The following CCDC158 variants were observed in gnomAD, a reference collection of about 807,000 sequenced individuals.
CCDC158 encodes the protein coiled-coil domain-containing protein 158.
CCDC158 carries 116 observed loss-of-function variants against 138.6 expected under a neutral mutation model. That is an observed-to-expected ratio of 0.84 (90% CI 0.72 to 0.98). The LOEUF (loss-of-function observed/expected upper bound fraction) is 0.98. Ranked by LOEUF, CCDC158 falls within the 50% of genes least tolerant of loss-of-function variation. The pLI is 0.00. For missense variants in CCDC158, 1,265 were observed against 1,306.1 expected, an observed-to-expected ratio of 0.97 and a Z score of 0.48; for synonymous variants, 436 against 442.4, an observed-to-expected ratio of 0.99 and a Z score of 0.18.
chr4:76,379,816 C>A (rs1283005227), intron 8 of CCDC158, among the ~76,000 whole-genome samples: 1 of 151,720 alleles, frequency 6.6e-6, no homozygotes, highest in African/African-American at 2.4e-5. Flanking sequence ...AATCTCATGT[C>A]AAATTGTAAT....
At chr4:76,340,834 C>T (rs911597163) in intron 18 of CCDC158, among the ~76,000 whole-genome samples, 2 of 152,080 alleles carry the variant, frequency 1.3e-5, no homozygotes, top group African/African-American at 4.8e-5. Flanking sequence ...CAAAATCACC[C>T]CCCGCCTCAA....
intron 13 of CCDC158, 97 bp from the exon 14 acceptor site, chr4:76,357,623 G>T (rs1201879265): frequency 3.8e-6 from 3 of 785,686 alleles, no homozygotes; most frequent in Non-Finnish European, 5.5e-6. Context: ...CAGAATTTTA[G>T]AACTGGAAGA....
rs750256586 is a variant in CCDC158 at position 76,367,748 on chromosome 4, C to T, written c.1376G>A (p.Ser459Asn). 2 of 1,602,018 alleles carry T rather than the reference C, an allele frequency of 1.2e-6. No individual in the cohort carries two copies. The highest frequency in any genetic ancestry group is 1.7e-6 in the Non-Finnish European group (2 of 1,173,650). ...AGTCAAGGAGGATACTTTTTCTAGA[C>T]TTTCATTCTTTCCTTGAATTGCTGC... is the stretch of plus-strand genomic sequence containing the variant. ...QMAAIQGKNE[S>N]LEKVSSLTAQ... The change falls in exon 12 of 25, where the codon AGT becomes AAT. Residue 459 changes from serine to asparagine, a missense_variant. Coordinates refer to ENST00000682701, the MANE Select transcript of CCDC158 (RefSeq NM_001394954.1).
At chr4:76,342,708 T>G (rs1722173209) in intron 18 of CCDC158, among the ~76,000 whole-genome samples, 1 of 152,152 alleles carries the variant, frequency 6.6e-6, no homozygotes, top group Non-Finnish European at 1.5e-5. Flanking sequence ...GGACAGATAA[T>G]AATAGATTAG....
chr4:76,402,028 A>C (rs1728438603), intron 3 of CCDC158: 1 of 152,266 alleles, frequency 6.6e-6, no homozygotes, highest in Admixed American at 6.5e-5. Flanking sequence ...GTAAAACAAC[A>C]GATCAGTAAC....
chr4:76,382,342 T>C (rs1418480963), intron 8 of CCDC158, among the ~76,000 whole-genome samples: 1 of 152,184 alleles, frequency 6.6e-6, no homozygotes, highest in Non-Finnish European at 1.5e-5. Context: ...TCTTGGTTAG[T>C]TCTTTATAGC....
intron 12 of CCDC158, among the ~76,000 whole-genome samples, chr4:76,366,567 T>C (rs1175313911): frequency 1.3e-5 from 2 of 152,060 alleles, no homozygotes; most frequent in Admixed American, 1.3e-4. Flanking sequence ...GCTAATAAGA[T>C]GTGTACCCTG....
intron 18 of CCDC158, chr4:76,345,075 C>T: frequency 7.6e-7 from 1 of 1,324,044 alleles, no homozygotes; most frequent in East Asian, 2.3e-5. Flanking sequence ...GACAAAATGA[C>T]CAGATCTCAT....
chr4:76,383,880 A>C, intron 6 of CCDC158, 142 bp from the exon 7 acceptor site: 1 of 713,036 alleles, frequency 1.4e-6, no homozygotes, highest in Non-Finnish European at 2.3e-6. Context: ...ATATTTTATT[A>C]GATCTTTTAC....
chr4:76,322,261 C>A (rs1451745600), intron 24 of CCDC158, among the ~76,000 whole-genome samples: 1 of 152,128 alleles, frequency 6.6e-6, no homozygotes, highest in African/African-American at 2.4e-5. Flanking sequence ...TTTTCTTCAA[C>A]AACAATTTGC....
At chr4:76,363,328 G>A (rs1170977067) in intron 12 of CCDC158, among the ~76,000 whole-genome samples, 6 of 152,172 alleles carry the variant, frequency 3.9e-5, no homozygotes, top group African/African-American at 7.2e-5. Context: ...AACTCTACTC[G>A]GAGAAGGCTC....
intron 18 of CCDC158, among the ~76,000 whole-genome samples, chr4:76,336,284 T>C (rs1721501444): frequency 6.8e-6 from 1 of 148,024 alleles, no homozygotes; most frequent in Non-Finnish European, 1.5e-5. Flanking sequence ...TTTATCCCAA[T>C]ACTTACCTTT....
chr4:76,421,311 C>A (rs1445915962), upstream of CCDC158, among the ~76,000 whole-genome samples: 4 of 152,084 alleles, frequency 2.6e-5, no homozygotes, highest in African/African-American at 4.8e-5. Flanking sequence ...TGCGACTCCG[C>A]CCGCCGGACG....
intron 22 of CCDC158, among the ~76,000 whole-genome samples, chr4:76,326,774 T>G (rs1238878808): frequency 6.6e-6 from 1 of 152,116 alleles, no homozygotes; most frequent in Non-Finnish European, 1.5e-5. Flanking sequence ...CAATCTAGAA[T>G]TCTATACTCA....
intron 2 of CCDC158, among the ~76,000 whole-genome samples, chr4:76,406,894 C>A (rs10006438): frequency 0.029 from 4,453 of 152,028 alleles, 218 homozygotes; most frequent in African/African-American, 0.1. Context: ...AAAGTAAATT[C>A]ATTAAGTGTC....
chr4:76,383,627 C>T (rs375982540), intron 7 of CCDC158, 35 bp downstream of exon 7: 58 of 1,485,770 alleles, frequency 3.9e-5, no homozygotes, highest in Middle Eastern at 1.7e-4. Flanking sequence ...GGTTTAGTTT[C>T]GCTAGGCTTT....
chr4:76,348,871 G>A (rs1722808647), intron 18 of CCDC158, among the ~76,000 whole-genome samples: 1 of 151,954 alleles, frequency 6.6e-6, no homozygotes, highest in South Asian at 2.1e-4. Context: ...GTCCCAGAGG[G>A]AAAAAAGAAA....
rs1390452253 is a variant in CCDC158, at chr4:76,334,028, C to G, written c.2804G>C (p.Gly935Ala). 6.2e-7 allele frequency: 1 copy of G among 1,612,452 alleles called. No individual in the cohort carries two copies. Among genetic ancestry groups the G allele is most frequent in the Non-Finnish European group, 8.5e-7 (1 of 1,178,938 alleles). ...KTEEDGRTSL[G>A]ALYVAVEDRV... The stretch of plus-strand genomic sequence containing the variant: ...GCCTTACACAGCCACATACAAGGCT[C>G]CCAGAGATGTTCTTCCATCTTCCTC... The change falls in exon 19 of 25, where the codon GGA becomes GCA. Residue 935 changes from glycine (G) to alanine (A), a missense_variant. Transcript: ENST00000682701.
intron 1 of CCDC158, among the ~76,000 whole-genome samples, chr4:76,416,976 C>A (rs946157504): frequency 1.1e-4 from 17 of 152,268 alleles, no homozygotes; most frequent in Non-Finnish European, 1.5e-5. Flanking sequence ...GTAGATCCAC[C>A]AACACCTTGC....
Sources: allele counts gnomAD v4.1 joint callset (sites outside exome capture counted in the v4.1 genomes callset), GRCh38; gene constraint gnomAD v4.1.1; transcripts MANE v1.5; gene names NCBI Gene and HGNC (gene_info 2026-07-23, HGNC 2026-07-21).